The following ABCA13 variants were observed in gnomAD, a reference collection of about 807,000 sequenced individuals.
ABCA13 encodes ATP binding cassette subfamily A member 13.
A neutral mutation model predicts 478.7 loss-of-function variants in ABCA13; 476 were observed. The observed-to-expected ratio is 0.99, with a 90% CI of 0.92 to 1.07. ABCA13 has a LOEUF of 1.07. ABCA13 is among the 50% of genes least tolerant of loss of function. The pLI is 0.00. For missense variants in ABCA13, 6,060 were observed against 5,910.6 expected (o/e 1.03, Z -0.83); for synonymous variants, 2,252 against 2,158.9 (o/e 1.04, Z -1.20).
At chr7:48,422,397 A>G (rs1190550677) in intron 41 of ABCA13, among the ~76,000 whole-genome samples, 1 of 152,172 alleles carries the variant, frequency 6.6e-6, no homozygotes, top group African/African-American at 2.4e-5. Flanking sequence ...TTCTGTTTAT[A>G]ACAAGGTGTT....
chr7:48,272,946 C>T lies in ABCA13; in HGVS notation c.3280C>T (p.Leu1094=). 1.2e-6 allele frequency: 2 copies of T among 1,613,214 alleles called. No individual in the cohort carries two copies. The highest frequency in any genetic ancestry group is 2.2e-5 in the South Asian group (2 of 91,022). Residue 1094 remains leucine (L), a synonymous_variant, in exon 17 of 62, where the codon CTA becomes TTA. Transcript: ENST00000435803. ...SQFFNSSVED[L]LDNKCLISDN... Reference sequence around the variant, plus strand: ...ATTCTTCAACAGTTCAGTAGAAGACCTATTGGATAATAAATGCTTGATTTC... The same window carrying T: ...ATTCTTCAACAGTTCAGTAGAAGACTTATTGGATAATAAATGCTTGATTTC...
chr7:48,515,825 G>A (rs138208749), intron 51 of ABCA13, among the ~76,000 whole-genome samples: 19 of 152,072 alleles, frequency 1.2e-4, no homozygotes, highest in Admixed American at 1.0e-3. Flanking sequence ...TTATATTCTT[G>A]ATATCTTTTG....
At chr7:48,587,970 A>C (rs1180845666) in intron 57 of ABCA13, among the ~76,000 whole-genome samples, 2 of 152,256 alleles carry the variant, frequency 1.3e-5, no homozygotes, top group African/African-American at 4.8e-5. Context: ...ATTGGATTCT[A>C]ATCAGTAGAG....
At chr7:48,255,369 G>A (rs1406820930) in intron 15 of ABCA13, among the ~76,000 whole-genome samples, 4 of 152,076 alleles carry the variant, frequency 2.6e-5, no homozygotes, top group Admixed American at 1.3e-4. Flanking sequence ...TAATATTAAA[G>A]GAATTAATAC....
At chr7:48,198,478 G>T in intron 3 of ABCA13, 118 bp downstream of exon 3, 1 of 1,183,000 alleles carries the variant, frequency 8.5e-7, no homozygotes, top group East Asian at 2.6e-5. Flanking sequence ...GAGAAGTATA[G>T]AAATTAAAGT....
At chr7:48,364,562 C>T (rs965786251) in intron 31 of ABCA13, among the ~76,000 whole-genome samples, 2 of 152,172 alleles carry the variant, frequency 1.3e-5, no homozygotes, top group African/African-American at 4.8e-5. Flanking sequence ...ATCTTCCCCT[C>T]CCCTTTACCC....
intron 34 of ABCA13, among the ~76,000 whole-genome samples, chr7:48,375,831 A>T (rs1288580256): frequency 6.6e-6 from 1 of 152,158 alleles, no homozygotes; most frequent in African/African-American, 2.4e-5. Flanking sequence ...TAGAAACAAA[A>T]AATGGAAACT....
At chr7:48,265,259 T>C (rs1794723030) in intron 15 of ABCA13, among the ~76,000 whole-genome samples, 1 of 151,754 alleles carries the variant, frequency 6.6e-6, no homozygotes, top group East Asian at 1.9e-4. Flanking sequence ...AAAAATGTTT[T>C]TAACTATTCT....
rs1199758234 is a variant in ABCA13 at position 48,466,825 on chromosome 7, CACTT to C, written c.12816-127_12816-124del. On this transcript the variant is annotated intron_variant, in intron 43 of 61. Transcript: ENST00000435803. ...AAACAGTGGAAAATTAGCTGTATCT[CACTT>C]ACTAGGAATCATTAGATGGATCAGC... The C allele has an allele frequency of 4.9e-6, 4 of 822,390 alleles. No homozygotes were observed. The African/African-American group carries it at 5.1e-5, about 10-fold the overall frequency. 50.9% of individuals were successfully genotyped at this position (822,390 alleles called of 1,614,324 possible).
chr7:48,269,750 C>G (rs562265800), intron 16 of ABCA13, among the ~76,000 whole-genome samples: 1 of 152,332 alleles, frequency 6.6e-6, no homozygotes, highest in African/African-American at 2.4e-5. Flanking sequence ...AAATCTTGCT[C>G]TGTGTACAGG....
chr7:48,472,870 C>T (rs10249279), intron 45 of ABCA13, among the ~76,000 whole-genome samples: 24,966 of 152,068 alleles, frequency 0.16, 2,251 homozygotes, highest in East Asian at 0.23. Flanking sequence ...GCATTAGGGG[C>T]GGAACCCTTT....
At chr7:48,350,582 G>A in intron 29 of ABCA13, 61 bp from the exon 30 acceptor site, 2 of 1,437,746 alleles carry the variant, frequency 1.4e-6, no homozygotes, top group Non-Finnish European at 9.3e-7. Context: ...TCCACTATAT[G>A]AGTGGTAAGC....
intron 3 of ABCA13, among the ~76,000 whole-genome samples, chr7:48,206,863 G>T (rs1158859063): frequency 1.3e-5 from 2 of 151,792 alleles, no homozygotes; most frequent in African/African-American, 4.8e-5. Context: ...ATAAATTATT[G>T]TTATCTATAG....
intron 58 of ABCA13, among the ~76,000 whole-genome samples, chr7:48,599,307 G>T (rs1790627321): frequency 6.6e-6 from 1 of 151,298 alleles, no homozygotes; most frequent in Non-Finnish European, 1.5e-5. Flanking sequence ...GATAAAATAA[G>T]TTGTATGATT....
chr7:48,264,164 A>G (rs902368692), intron 15 of ABCA13, among the ~76,000 whole-genome samples: 1 of 151,942 alleles, frequency 6.6e-6, no homozygotes. Context: ...CTATTCCATC[A>G]TATGGATGTA....
chr7:48,369,285 A>G (rs372675491), intron 32 of ABCA13, among the ~76,000 whole-genome samples: 2 of 152,056 alleles, frequency 1.3e-5, no homozygotes, highest in East Asian at 1.9e-4. Flanking sequence ...GATTCTGGAT[A>G]TTAGTCATTT....
chr7:48,605,426 G>T (rs79041301), intron 58 of ABCA13, among the ~76,000 whole-genome samples: 2 of 152,274 alleles, frequency 1.3e-5, no homozygotes, highest in African/African-American at 4.8e-5. Flanking sequence ...CAGCCCTGGT[G>T]GTGACAAAAT....
rs952196937 is a variant in ABCA13 at position 48,520,072 on chromosome 7, G to A, written c.13829G>A (p.Trp4610Ter). The change falls in exon 53 of 62, where the codon TGG (tryptophan) becomes TAG (stop). Residue 4610 changes from tryptophan (W) to a stop codon, truncating the protein, a stop_gained. Coordinates refer to ENST00000435803, the MANE Select transcript of ABCA13 (RefSeq NM_152701.5). LOFTEE classifies it high-confidence loss of function. ...CAGAATATCTATGATGTCCTCAAGT[G>A]GGTCTTTACTATTTTTCCTCAATTC... ...NLQNIYDVLKWVFTIFPQFCL... is the reference protein window; with the variant it reads ...NLQNIYDVLK 3.3e-5 allele frequency: 53 copies of A among 1,612,822 alleles called. No homozygotes were observed. Among genetic ancestry groups the A allele is most frequent in the Non-Finnish European group, 4.3e-5 (51 of 1,179,426 alleles).
intron 59 of ABCA13, among the ~76,000 whole-genome samples, chr7:48,620,108 T>G (rs1453106271): frequency 6.6e-6 from 1 of 152,158 alleles, no homozygotes; most frequent in African/African-American, 2.4e-5. Flanking sequence ...CAGTCACTTT[T>G]GTCTCCACAT....
Sources: gnomAD v4.1 joint callset for allele counts (sites outside exome capture counted in the v4.1 genomes callset) on GRCh38, gnomAD v4.1.1 for gene constraint, MANE v1.5 for transcripts, NCBI Gene and HGNC (gene_info 2026-07-23, HGNC 2026-07-21) for gene names.